Variants in CCDC30 observed in about 807,000 individuals in gnomAD.
The protein encoded by CCDC30 is coiled-coil domain containing 30.
A neutral mutation model predicts 100.2 loss-of-function variants in CCDC30; 70 were observed. That is an observed-to-expected ratio of 0.70 (90% confidence interval 0.58 to 0.85). CCDC30 has a LOEUF of 0.85. Among genes scored for constraint, CCDC30 ranks in the 40% least tolerant of loss-of-function variants. The pLI, the probability that CCDC30 is intolerant of heterozygous loss-of-function variation, is 0.00. For missense variants in CCDC30, 652 were observed against 771.2 expected, an observed-to-expected ratio of 0.85 and a Z score of 1.83; for synonymous variants, 233 against 269.5, an observed-to-expected ratio of 0.86 and a Z score of 1.33.
At chr1:42,534,492 G>A (rs538468489) in intron 6 of CCDC30, among the ~76,000 whole-genome samples, 5 of 152,274 alleles carry the variant, frequency 3.3e-5, no homozygotes, top group African/African-American at 9.6e-5. Flanking sequence ...CCATACCACT[G>A]GACAGGAGGA....
intron 11 of CCDC30, among the ~76,000 whole-genome samples, chr1:42,632,228 C>T (rs771062634): frequency 2.0e-5 from 3 of 152,044 alleles, no homozygotes; most frequent in Admixed American, 6.6e-5. Context: ...TTCAAAGGAG[C>T]GGGTTTCCTT....
chr1:42,546,156 C>T (rs1301207382), intron 6 of CCDC30, among the ~76,000 whole-genome samples: 4 of 150,864 alleles, frequency 2.7e-5, no homozygotes, highest in African/African-American at 7.3e-5. Flanking sequence ...GAGGCCAAGG[C>T]GGGCGGATCA....
chr1:42,496,728 G>C (rs2148474159), intron 4 of CCDC30, among the ~76,000 whole-genome samples: 1 of 152,260 alleles, frequency 6.6e-6, no homozygotes, highest in Middle Eastern at 3.4e-3. Context: ...ATGTAAAAGA[G>C]ACAGGACTGA....
intron 11 of CCDC30, among the ~76,000 whole-genome samples, chr1:42,616,906 T>TA: frequency 6.6e-6 from 1 of 152,200 alleles, no homozygotes; most frequent in Admixed American, 6.5e-5. Context: ...TAAAGTATAA[T>TA]ACAGTCACTT....
chr1:42,515,603 A>G (rs1644542919), intron 6 of CCDC30, among the ~76,000 whole-genome samples: 1 of 152,226 alleles, frequency 6.6e-6, no homozygotes, highest in Non-Finnish European at 1.5e-5. Context: ...ACCTACTAGT[A>G]CCTTAATCTT....
At chr1:42,511,853 C>T (rs368210215) in intron 6 of CCDC30, among the ~76,000 whole-genome samples, 9 of 151,710 alleles carry the variant, frequency 5.9e-5, no homozygotes, top group Non-Finnish European at 1.2e-4. Context: ...CCAGCTTGGT[C>T]GTGGAGACCC....
At chr1:42,509,776 C>T (rs961981007) in intron 6 of CCDC30, among the ~76,000 whole-genome samples, 3 of 152,104 alleles carry the variant, frequency 2.0e-5, no homozygotes, top group Non-Finnish European at 4.4e-5. Flanking sequence ...CACAAATCCT[C>T]TTTCATTAAT....
intron 7 of CCDC30, among the ~76,000 whole-genome samples, chr1:42,575,649 C>CAGAAAAAAAAA (rs368587021): frequency 1.3e-5 from 1 of 76,950 alleles, no homozygotes; most frequent in Non-Finnish European, 2.3e-5. Context: ...GACCCTGTCT[C>CAGAAAAAAAAA]AAAAAAAAAG....
At chr1:42,585,724 G>T (rs1208456561) in intron 9 of CCDC30, among the ~76,000 whole-genome samples, 2 of 151,918 alleles carry the variant, frequency 1.3e-5, no homozygotes, top group Non-Finnish European at 2.9e-5. Context: ...AATTTTGTAA[G>T]TTGTATTTCA....
At chr1:42,578,248 G>T (rs1227349954) in intron 8 of CCDC30, among the ~76,000 whole-genome samples, 1 of 152,130 alleles carries the variant, frequency 6.6e-6, no homozygotes, top group East Asian at 1.9e-4. Context: ...ATCTAATGTT[G>T]AGTTAAAGAA....
chr1:42,551,352 T>G (rs1272004010), intron 6 of CCDC30, among the ~76,000 whole-genome samples: 4 of 152,148 alleles, frequency 2.6e-5, no homozygotes, highest in Non-Finnish European at 5.9e-5. Flanking sequence ...AGTTGAAGAC[T>G]GGTGACAATT....
In CCDC30 at chr1:42,581,232, C is replaced by T. The variant is rs1645959251; in HGVS notation, c.847-128C>T. On this transcript the variant is annotated intron_variant, in intron 8 of 16. Coordinates refer to ENST00000668663, the Ensembl canonical transcript of CCDC30. ...TTTATTTTAAAATTAAATCTAGCTA[C>T]TCTTTTTACTTCAGGTCAGATTAAT... is the stretch of plus-strand genomic sequence containing the variant. 5.7e-6 allele frequency: 4 copies of T among 699,806 alleles called. No individual in the cohort carries two copies. In the East Asian group the frequency reaches 1.0e-4, roughly 18 times the overall value. 43.3% of individuals were successfully genotyped at this position (699,806 alleles called of 1,614,324 possible). A position where few individuals can be genotyped will look rare whatever the true frequency, so the allele number is the denominator to read the frequency against.
chr1:42,577,527 C>T (rs189138198), intron 8 of CCDC30, among the ~76,000 whole-genome samples: 13 of 152,108 alleles, frequency 8.5e-5, no homozygotes, highest in Non-Finnish European at 1.2e-4. Flanking sequence ...TTTGAGAAGG[C>T]GTATTCTCTC....
chr1:42,539,186 C>A, intron 6 of CCDC30: 1 of 1,583,040 alleles, frequency 6.3e-7, no homozygotes, highest in Non-Finnish European at 8.6e-7. Flanking sequence ...TTGCAAAAAT[C>A]AAAGTCAGAG....
intron 15 of CCDC30, among the ~76,000 whole-genome samples, chr1:42,649,361 T>A (rs1458673101): frequency 3.3e-5 from 5 of 152,198 alleles, no homozygotes; most frequent in Admixed American, 3.3e-4. Flanking sequence ...CATATGATCA[T>A]CTTATTACAT....
chr1:42,537,145 A>C (rs1044620980), intron 6 of CCDC30: 6 of 454,586 alleles, frequency 1.3e-5, no homozygotes, highest in Non-Finnish European at 2.2e-5. Context: ...AGCACTAAGC[A>C]AAGAGTCCTT....
chr1:42,599,509 A>T (rs1646359659), intron 10 of CCDC30, among the ~76,000 whole-genome samples: 1 of 152,226 alleles, frequency 6.6e-6, no homozygotes, highest in Non-Finnish European at 1.5e-5. Context: ...AGCAACAAAG[A>T]ACAACTAATA....
chr1:42,514,132 GTTTA>G (rs1459144308), intron 6 of CCDC30, among the ~76,000 whole-genome samples: 1 of 151,988 alleles, frequency 6.6e-6, no homozygotes, highest in African/African-American at 2.4e-5. Flanking sequence ...ATCACATTTT[GTTTA>G]TTTATTCATC....
At chr1:42,525,799 G>A (rs1220586632) in intron 6 of CCDC30, among the ~76,000 whole-genome samples, 1 of 152,128 alleles carries the variant, frequency 6.6e-6, no homozygotes, top group Non-Finnish European at 1.5e-5. Context: ...GGCTAGAATA[G>A]TCCTACCCTT....
Sources: allele counts gnomAD v4.1 joint callset (sites outside exome capture counted in the v4.1 genomes callset), GRCh38; gene constraint gnomAD v4.1.1; transcripts MANE v1.5; gene names NCBI Gene and HGNC (gene_info 2026-07-23, HGNC 2026-07-21).